Variants in SORCS1 observed in about 807,000 individuals in gnomAD.
SORCS1 encodes the protein VPS10 domain-containing receptor SorCS1.
Under a neutral mutation model 146.1 loss-of-function variants are expected in SORCS1, and 60 were observed. The ratio of observed to expected loss-of-function variants is 0.41; its 90% CI spans 0.33 to 0.51. The LOEUF (loss-of-function observed/expected upper bound fraction) is 0.51. SORCS1 is among the 20% of genes least tolerant of loss of function. The probability of loss-of-function intolerance (pLI) is 0.21; values close to 1 mark genes in which losing one functional copy is unlikely to be tolerated. For synonymous variants in SORCS1, 637 were observed against 584.0 expected (o/e 1.09, Z -1.31); for missense variants, 1,352 against 1,487.6 (o/e 0.91, Z 1.50).
intron 2 of SORCS1, among the ~76,000 whole-genome samples, chr10:106,920,398 A>G (rs1952656326): frequency 6.6e-6 from 1 of 152,192 alleles, no homozygotes. Context: ...ATAGTCCCAG[A>G]GTCACTTTAA....
At chr10:106,730,393 T>C (rs1207535986) in intron 5 of SORCS1, among the ~76,000 whole-genome samples, 4 of 152,218 alleles carry the variant, frequency 2.6e-5, no homozygotes, top group Non-Finnish European at 4.4e-5. Flanking sequence ...CTACGCATGT[T>C]GGGTGTGTAC....
At chr10:106,987,915 T>G (rs1956555375) in intron 1 of SORCS1, among the ~76,000 whole-genome samples, 1 of 152,206 alleles carries the variant, frequency 6.6e-6, no homozygotes, top group Non-Finnish European at 1.5e-5. Context: ...TTCTTTTCTT[T>G]TCTGAATTTA....
intron 5 of SORCS1, among the ~76,000 whole-genome samples, chr10:106,737,702 A>AAC (rs1564914799): frequency 1.4e-5 from 2 of 146,588 alleles, no homozygotes; most frequent in African/African-American, 4.9e-5. Flanking sequence ...TCCCCTACCC[A>AAC]CCCCCACCAA....
At chr10:106,833,864 G>C (rs542448539) in intron 2 of SORCS1, among the ~76,000 whole-genome samples, 211 of 152,190 alleles carry the variant, frequency 1.4e-3, no homozygotes, top group African/African-American at 4.7e-3. Flanking sequence ...CGCAATCTCG[G>C]CTCACTGCAA....
At chr10:106,756,385 C>A (rs1475053854) in intron 5 of SORCS1, among the ~76,000 whole-genome samples, 2 of 152,134 alleles carry the variant, frequency 1.3e-5, no homozygotes, top group African/African-American at 4.8e-5. Context: ...GGGGAAAAAA[C>A]TGAGTCACAC....
chr10:106,716,429 A>G (rs1169600243), intron 6 of SORCS1, among the ~76,000 whole-genome samples: 1 of 152,232 alleles, frequency 6.6e-6, no homozygotes, highest in Non-Finnish European at 1.5e-5. Flanking sequence ...GTTAAAAATC[A>G]GACTATGACT....
chr10:106,805,720 C>A (rs1325779430), intron 3 of SORCS1, among the ~76,000 whole-genome samples: 1 of 151,950 alleles, frequency 6.6e-6, no homozygotes, highest in Non-Finnish European at 1.5e-5. Flanking sequence ...TTAATTTTTT[C>A]TGGATATATA....
intron 1 of SORCS1, among the ~76,000 whole-genome samples, chr10:107,068,330 G>C (rs1339274813): frequency 2.0e-5 from 3 of 152,110 alleles, no homozygotes; most frequent in Non-Finnish European, 2.9e-5. Flanking sequence ...CTACCTGCTT[G>C]TATTTGGTGA....
chr10:106,969,842 T>A (rs1367058041), intron 1 of SORCS1, among the ~76,000 whole-genome samples: 1 of 152,210 alleles, frequency 6.6e-6, no homozygotes, highest in Non-Finnish European at 1.5e-5. Context: ...AGGCTCTGAA[T>A]CTTAAGCTTC....
At position 106,751,058 on chromosome 10, in the gene SORCS1, C is replaced by CAAAA. The variant is rs35691571; in HGVS notation, c.959+10526_959+10529dup. Among the ~76,000 whole-genome samples the CAAAA allele has an allele frequency of 3.6e-4, 8 of 22,444 alleles. 2 individuals are homozygous for CAAAA. Among genetic ancestry groups the CAAAA allele is most frequent in the South Asian group, 1.5e-3 (1 of 658 alleles). The allele number at this position is 22,444 out of a possible 152,430, so 14.7% of individuals were successfully genotyped here. On this transcript the variant is annotated intron_variant, in intron 5 of 25. Coordinates refer to ENST00000263054, the MANE Select transcript of SORCS1 (RefSeq NM_052918.5). ...TGGGCGACAGGGTGAGACTCCGTCT[C>CAAAA]AAAAAAAAAAAAAAAAAAAAAAAAA...
In SORCS1 at chr10:106,938,236, G is replaced by A. The variant is rs1050851243; in HGVS notation, c.626+18277C>T. Among the ~76,000 whole-genome samples, 10 of 152,146 alleles carry A rather than the reference G, an allele frequency of 6.6e-5. 1 individual carries two copies. Among genetic ancestry groups the A allele is most frequent in the African/African-American group, 2.4e-4 (10 of 41,436 alleles). Reference sequence around the variant, plus strand: ...ATTCAAAATCTCAATCTGCTCTAGTGTACAGGCCTATTTCAGGAACTTAGC... The same window carrying A: ...ATTCAAAATCTCAATCTGCTCTAGTATACAGGCCTATTTCAGGAACTTAGC... On this transcript the variant is annotated intron_variant, in intron 2 of 25. Transcript: ENST00000263054.
chr10:106,910,585 G>A (rs1049367182), intron 2 of SORCS1, among the ~76,000 whole-genome samples: 3 of 152,026 alleles, frequency 2.0e-5, no homozygotes, highest in Non-Finnish European at 2.9e-5. Flanking sequence ...TATAACCGTC[G>A]CTCACAGAAG....
At chr10:106,660,224 CT>C (rs1204139169) in intron 17 of SORCS1, among the ~76,000 whole-genome samples, 1 of 152,140 alleles carries the variant, frequency 6.6e-6, no homozygotes, top group Non-Finnish European at 1.5e-5. Flanking sequence ...TTAGCAGAAT[CT>C]AAGTGTTTTA....
At chr10:106,775,310 C>T (rs1008939413) in intron 4 of SORCS1, among the ~76,000 whole-genome samples, 1 of 152,140 alleles carries the variant, frequency 6.6e-6, no homozygotes, top group Admixed American at 6.5e-5. Flanking sequence ...TGCACTGTGG[C>T]TTGACTCCAG....
intron 18 of SORCS1, among the ~76,000 whole-genome samples, chr10:106,645,360 T>C (rs1849352391): frequency 6.6e-6 from 1 of 152,116 alleles, no homozygotes; most frequent in South Asian, 2.1e-4. Context: ...GTTTTTTGTT[T>C]GTTTGTATTT....
chr10:106,828,465 C>T (rs143487188), intron 3 of SORCS1, among the ~76,000 whole-genome samples: 62 of 152,236 alleles, frequency 4.1e-4, no homozygotes, highest in African/African-American at 1.5e-3. Context: ...AGAGTGATTG[C>T]TTAAGAGATA....
intron 1 of SORCS1, among the ~76,000 whole-genome samples, chr10:107,156,158 T>C (rs532231338): frequency 6.6e-6 from 1 of 152,290 alleles, no homozygotes; most frequent in African/African-American, 2.4e-5. Context: ...TACCACCCCA[T>C]CTGCACTGAA....
intron 5 of SORCS1, among the ~76,000 whole-genome samples, chr10:106,746,514 A>G (rs1259007622): frequency 6.6e-6 from 1 of 152,226 alleles, no homozygotes; most frequent in East Asian, 1.9e-4. Flanking sequence ...AAAGAAGGTA[A>G]ACAACTGTAT....
At chr10:106,674,546 G>A (rs947826371) in intron 14 of SORCS1, among the ~76,000 whole-genome samples, 12 of 152,020 alleles carry the variant, frequency 7.9e-5, no homozygotes, top group South Asian at 2.1e-4. Flanking sequence ...CATAGGCAGC[G>A]TCATTAATCT....
Sources: allele counts gnomAD v4.1 joint callset (sites outside exome capture counted in the v4.1 genomes callset), GRCh38; gene constraint gnomAD v4.1.1; transcripts MANE v1.5; gene names NCBI Gene and HGNC (gene_info 2026-07-23, HGNC 2026-07-21).